Variants in OPRD1 observed in about 807,000 individuals in gnomAD.
OPRD1 encodes the protein opioid receptor delta 1, also known as delta-type opioid receptor.
A neutral mutation model predicts 17.5 loss-of-function variants in OPRD1; 19 were observed. That is an observed-to-expected ratio of 1.09 (90% CI 0.76 to 1.60). The LOEUF (loss-of-function observed/expected upper bound fraction) is 1.60, where lower values mean the gene tolerates loss of function less well. Ranked by LOEUF, OPRD1 falls within the 40% of genes most tolerant of loss-of-function variation. The probability of loss-of-function intolerance (pLI) is 0.00; values close to 1 mark genes in which losing one functional copy is unlikely to be tolerated. For synonymous variants in OPRD1, 256 were observed against 240.9 expected (o/e 1.06, Z -0.58); for missense variants, 483 against 547.2 (o/e 0.88, Z 1.17).
At chr1:28,824,304 T>C (rs1242235130) in intron 1 of OPRD1, among the ~76,000 whole-genome samples, 1 of 140,562 alleles carries the variant, frequency 7.1e-6, no homozygotes, top group East Asian at 2.0e-4. Flanking sequence ...ATGGTTCTTT[T>C]TCTTTTTTCT....
chr1:28,857,154 C>G (rs2089064097), intron 1 of OPRD1, among the ~76,000 whole-genome samples: 1 of 152,200 alleles, frequency 6.6e-6, no homozygotes, highest in South Asian at 2.1e-4. Flanking sequence ...CATTCTTCAC[C>G]TGTGAAGAAA....
chr1:28,852,164 T>TAAAAAAAAAAAAAAAAAAA (rs71030305), intron 1 of OPRD1, among the ~76,000 whole-genome samples: 1 of 86,754 alleles, frequency 1.2e-5, no homozygotes, highest in African/African-American at 4.7e-5. Flanking sequence ...AAACTCCATG[T>TAAAAAAAAAAAAAAAAAAA]AAAAAAAAAA....
intron 1 of OPRD1, among the ~76,000 whole-genome samples, chr1:28,829,124 G>C (rs922812537): frequency 6.6e-6 from 1 of 152,146 alleles, no homozygotes; most frequent in Non-Finnish European, 1.5e-5. Flanking sequence ...GTCCCCTTGA[G>C]AATCTGTTGT....
intron 1 of OPRD1, among the ~76,000 whole-genome samples, chr1:28,816,588 CT>C (rs1232236900): frequency 6.6e-6 from 1 of 152,122 alleles, no homozygotes; most frequent in Non-Finnish European, 1.5e-5. Context: ...GGGAATTGTG[CT>C]TTTAGCAAAC....
At chr1:28,837,873 G>A (rs1356504279) in intron 1 of OPRD1, among the ~76,000 whole-genome samples, 1 of 145,296 alleles carries the variant, frequency 6.9e-6, no homozygotes, top group African/African-American at 2.6e-5. Flanking sequence ...AATCTAGTAT[G>A]ACCTCATCTT....
chr1:28,843,722 A>G (rs1394301830), intron 1 of OPRD1, among the ~76,000 whole-genome samples: 4 of 152,036 alleles, frequency 2.6e-5, no homozygotes, highest in African/African-American at 7.2e-5. Flanking sequence ...GGGGTCAAGC[A>G]GTCATTCCAC....
At chr1:28,813,437 C>T (rs1219968310) in intron 1 of OPRD1, among the ~76,000 whole-genome samples, 1 of 152,202 alleles carries the variant, frequency 6.6e-6, no homozygotes, top group Non-Finnish European at 1.5e-5. Flanking sequence ...TTTGCCTCCT[C>T]TAACAGTCTT....
intron 1 of OPRD1, among the ~76,000 whole-genome samples, chr1:28,851,864 G>GAA (rs71586865): frequency 5.9e-4 from 55 of 93,532 alleles, no homozygotes; most frequent in East Asian, 2.1e-3. Flanking sequence ...TCAAAAAAAA[G>GAA]AAAAAAAAAA....
intron 1 of OPRD1, among the ~76,000 whole-genome samples, chr1:28,821,074 C>T (rs2088709496): frequency 6.6e-6 from 1 of 151,754 alleles, no homozygotes; most frequent in East Asian, 1.9e-4. Context: ...TTCTGTCTCT[C>T]TTTCTGTTTC....
At chr1:28,851,098 AC>A (rs1448793013) in intron 1 of OPRD1, among the ~76,000 whole-genome samples, 1 of 152,044 alleles carries the variant, frequency 6.6e-6, no homozygotes, top group Non-Finnish European at 1.5e-5. Flanking sequence ...CTGAGTGGTT[AC>A]CCTTAGAGGG....
chr1:28,820,550 G>A (rs560146964), intron 1 of OPRD1, among the ~76,000 whole-genome samples: 14 of 151,740 alleles, frequency 9.2e-5, no homozygotes, highest in Non-Finnish European at 2.1e-4. Flanking sequence ...TTTTCAGCTG[G>A]GTGCAGTGAC....
At chr1:28,813,968 G>A (rs548059354) in intron 1 of OPRD1, among the ~76,000 whole-genome samples, 1 of 152,264 alleles carries the variant, frequency 6.6e-6, no homozygotes, top group South Asian at 2.1e-4. Context: ...GCAGAACGTG[G>A]TGTGTTGGAG....
chr1:28,820,915 T>TA (rs113408362), intron 1 of OPRD1, among the ~76,000 whole-genome samples: 4 of 151,664 alleles, frequency 2.6e-5, no homozygotes, highest in Non-Finnish European at 4.4e-5. Flanking sequence ...ACCCCATATT[T>TA]AAAAAAAAAT....
chr1:28,824,187 A>G (rs1244301430), intron 1 of OPRD1, among the ~76,000 whole-genome samples: 1 of 151,376 alleles, frequency 6.6e-6, no homozygotes, highest in Non-Finnish European at 1.5e-5. Context: ...TCCAAAAAAA[A>G]AAAAAAAAAA....
At position 28,865,256 on chromosome 1, in the gene OPRD1, T is replaced by C. The variant is rs1407396267; in HGVS notation, c.*1973T>C. 6.6e-6 allele frequency: 1 copy of C among 152,388 alleles called. No individual in the cohort carries two copies. Among genetic ancestry groups the C allele is most frequent in the African/African-American group, 2.4e-5 (1 of 41,444 alleles). 9.4% of individuals were successfully genotyped at this position (152,388 alleles called of 1,614,324 possible). ...CCTCAGTAATGCACCCCTGACTCCC[T>C]ATTGAAGCAGTGTGCTGACATCCTT... On this transcript the variant is annotated 3_prime_UTR_variant, in exon 3 of 3. Coordinates refer to ENST00000234961, the MANE Select transcript of OPRD1 (RefSeq NM_000911.4).
At position 28,863,206 on chromosome 1, in the gene OPRD1, G is replaced by T. The variant is rs1257253956; in HGVS notation, c.1042G>T (p.Ala348Ser). Residue 348 changes from alanine to serine, a missense_variant, in exon 3 of 3, where the codon GCC becomes TCC. Physicochemically the swap from Ala to Ser is moderately conservative, Grantham distance 99. Transcript: ENST00000234961. ...CCCAGACCCCAGCAGCTTCAGCCGCGCCCGCGAAGCCACGGCCCGCGAGCG... is the reference window on the plus strand; with the variant it reads ...CCCAGACCCCAGCAGCTTCAGCCGCTCCCGCGAAGCCACGGCCCGCGAGCG... ...GRPDPSSFSR[A>S]REATARERVT... 5 of 1,583,344 alleles carry T rather than the reference G, an allele frequency of 3.2e-6. No homozygotes were observed. Among genetic ancestry groups the T allele is most frequent in the Non-Finnish European group, 3.4e-6 (4 of 1,171,648 alleles).
chr1:28,850,989 G>A (rs1557577576), intron 1 of OPRD1, among the ~76,000 whole-genome samples: 2 of 151,952 alleles, frequency 1.3e-5, no homozygotes, highest in Admixed American at 6.6e-5. Context: ...GGAGGAAATG[G>A]TATGAGAACG....
At chr1:28,850,661 C>T (rs1023567433) in intron 1 of OPRD1, among the ~76,000 whole-genome samples, 2 of 151,682 alleles carry the variant, frequency 1.3e-5, no homozygotes, top group African/African-American at 2.4e-5. Context: ...GGTGCACCTG[C>T]GACCCCAGCT....
At chr1:28,825,866 C>T (rs774233484) in intron 1 of OPRD1, among the ~76,000 whole-genome samples, 17 of 152,238 alleles carry the variant, frequency 1.1e-4, no homozygotes, top group Non-Finnish European at 7.3e-5. Flanking sequence ...TTGAACTCAG[C>T]GTGCTGTCTG....
Sources: allele counts gnomAD v4.1 joint callset (sites outside exome capture counted in the v4.1 genomes callset), GRCh38; gene constraint gnomAD v4.1.1; transcripts MANE v1.5; gene names NCBI Gene and HGNC (gene_info 2026-07-23, HGNC 2026-07-21).